The following LRMDA variants were observed in gnomAD, a reference collection of about 807,000 sequenced individuals.
LRMDA encodes the protein leucine-rich melanocyte differentiation-associated protein.
LRMDA carries 18 observed loss-of-function variants against 29.8 expected under a neutral mutation model. The observed-to-expected ratio is 0.60, with a 90% confidence interval of 0.42 to 0.90. The LOEUF (loss-of-function observed/expected upper bound fraction) is 0.90, where lower values mean the gene tolerates loss of function less well. Ranked by LOEUF, LRMDA falls within the 40% of genes least tolerant of loss-of-function variation. LRMDA has a pLI of 0.00. For missense variants in LRMDA, 273 were observed against 273.9 expected, an observed-to-expected ratio of 1.00 and a Z score of 0.02; for synonymous variants, 125 against 109.4, an observed-to-expected ratio of 1.14 and a Z score of -0.89.
At chr10:75,616,231 T>TAGCAGCAGCAGCAGCAGCAGCAGC (rs1332339686) in intron 2 of LRMDA, among the ~76,000 whole-genome samples, 21 of 146,742 alleles carry the variant, frequency 1.4e-4, no homozygotes, top group African/African-American at 5.2e-4. Context: ...AGAACAGTAA[T>TAGCAGCAGCAGCAGCAGCAGCAGC]AGTAGCAGTA....
chr10:76,286,037 A>G (rs1298030191), intron 5 of LRMDA, among the ~76,000 whole-genome samples: 1 of 152,124 alleles, frequency 6.6e-6, no homozygotes, highest in Non-Finnish European at 1.5e-5. Flanking sequence ...GTTTGGAGTT[A>G]ATTGGGGAAG....
intron 2 of LRMDA, among the ~76,000 whole-genome samples, chr10:75,869,934 C>A (rs1480148936): frequency 2.6e-5 from 4 of 152,188 alleles, no homozygotes; most frequent in African/African-American, 9.7e-5. Context: ...TTTCTCTACT[C>A]TTAAACACAT....
chr10:76,212,146 C>A (rs1056060259), intron 5 of LRMDA, among the ~76,000 whole-genome samples: 2 of 151,574 alleles, frequency 1.3e-5, no homozygotes, highest in South Asian at 4.2e-4. Context: ...TTATTTAAAA[C>A]CAAACTTTAT....
chr10:75,531,605 G>A (rs145726855), intron 2 of LRMDA, among the ~76,000 whole-genome samples: 581 of 152,240 alleles, frequency 3.8e-3, no homozygotes, highest in Admixed American at 6.2e-3. Context: ...AAAATGAGGT[G>A]GTGTTTGACC....
At chr10:75,476,779 T>C (rs1256220587) in intron 2 of LRMDA, among the ~76,000 whole-genome samples, 1 of 152,200 alleles carries the variant, frequency 6.6e-6, no homozygotes, top group African/African-American at 2.4e-5. Context: ...TGTAACAAAA[T>C]ACCACAGACT....
chr10:76,347,187 C>G (rs933112705), intron 6 of LRMDA, among the ~76,000 whole-genome samples: 2 of 152,214 alleles, frequency 1.3e-5, no homozygotes, highest in Admixed American at 6.5e-5. Context: ...GCCGTTATTC[C>G]CTATATACTG....
chr10:76,203,958 TATTC>T, intron 5 of LRMDA, among the ~76,000 whole-genome samples: 1 of 145,646 alleles, frequency 6.9e-6, no homozygotes, highest in South Asian at 2.2e-4. Context: ...TACCCATCTC[TATTC>T]CATGTGCCCA....
intron 6 of LRMDA, among the ~76,000 whole-genome samples, chr10:76,413,235 C>T (rs904849476): frequency 7.9e-5 from 12 of 152,186 alleles, no homozygotes; most frequent in African/African-American, 2.7e-4. Context: ...ATAGATGCCT[C>T]CATTTTTAGC....
At chr10:76,055,063 CAAAAAAAAAAAA>C (rs531729040) in intron 4 of LRMDA, among the ~76,000 whole-genome samples, 850 of 45,884 alleles carry the variant, frequency 0.019, 4 homozygotes, top group South Asian at 0.093. Context: ...GACTCCATCT[CAAAAAAAAAAAA>C]AAAAAAAAAA....
At chr10:75,840,033 T>G (rs1844511598) in intron 2 of LRMDA, among the ~76,000 whole-genome samples, 1 of 152,220 alleles carries the variant, frequency 6.6e-6, no homozygotes, top group Non-Finnish European at 1.5e-5. Flanking sequence ...AATGACATGC[T>G]ACAACTTGTT....
intron 2 of LRMDA, among the ~76,000 whole-genome samples, chr10:75,938,935 G>T (rs967279928): frequency 2.6e-5 from 4 of 152,172 alleles, no homozygotes; most frequent in African/African-American, 2.4e-5. Flanking sequence ...TCCTCTCCGT[G>T]CCCAGAGGCG....
chr10:75,668,875 TG>T (rs1841857959), intron 2 of LRMDA, among the ~76,000 whole-genome samples: 2 of 152,216 alleles, frequency 1.3e-5, no homozygotes, highest in Admixed American at 1.3e-4. Flanking sequence ...ATATGCCTAA[TG>T]TATCTACTGT....
chr10:76,440,989 T>C (rs2132291530), intron 6 of LRMDA, among the ~76,000 whole-genome samples: 1 of 152,306 alleles, frequency 6.6e-6, no homozygotes, highest in East Asian at 1.9e-4. Context: ...TGCTTATAAT[T>C]GACTGGGCTC....
In LRMDA at chr10:76,229,735, G is replaced by A. The variant is rs138441295; in HGVS notation, c.517-94666G>A. Among the ~76,000 whole-genome samples the A allele has an allele frequency of 3.1e-3, 475 of 152,222 alleles. 4 individuals carry two copies. The highest frequency in any genetic ancestry group is 0.011 in the African/African-American group (450 of 41,538). ...ATCTCTTCCGAGCCCGTGTCTTTGC[G>A]GGTGGGAGGTTGGGGAGGATCCAGT... On this transcript the variant is annotated intron_variant, in intron 5 of 6. Coordinates refer to ENST00000611255, the MANE Select transcript of LRMDA (RefSeq NM_001305581.2).
At chr10:75,692,247 T>TATATATATAC (rs1491551304) in intron 2 of LRMDA, among the ~76,000 whole-genome samples, 18 of 131,720 alleles carry the variant, frequency 1.4e-4, no homozygotes, top group African/African-American at 5.2e-4. Flanking sequence ...TATATATATA[T>TATATATATAC]ACATATATAT....
chr10:75,859,133 T>C lies in LRMDA; in HGVS notation c.132-176875T>C, dbSNP rs147467235. Reference sequence around the variant, plus strand: ...ATCCTTAGCTTTCTAATGGGCATTTTGGGTGTTGGTCATTTTTGGTGTCAC... The same window carrying C: ...ATCCTTAGCTTTCTAATGGGCATTTCGGGTGTTGGTCATTTTTGGTGTCAC... On this transcript the variant is annotated intron_variant, in intron 2 of 6. Coordinates refer to ENST00000611255, the MANE Select transcript of LRMDA (RefSeq NM_001305581.2). 5.1e-3 allele frequency among the ~76,000 whole-genome samples: 779 copies of C among 152,362 alleles called. 10 individuals carry two copies. Among genetic ancestry groups the C allele is most frequent in the African/African-American group, 0.018 (747 of 41,594 alleles).
Position 76,377,541 on chromosome 10 carries a change from G to A in LRMDA, c.601+53056G>A, listed in dbSNP as rs556654894. Reference sequence around the variant, plus strand: ...TAGTTTGAGGTCTTTATTCCATCTTGAGTTAATTTTTGTATCTGGTGAGAC... The same window carrying A: ...TAGTTTGAGGTCTTTATTCCATCTTAAGTTAATTTTTGTATCTGGTGAGAC... On this transcript the variant is annotated intron_variant, in intron 6 of 6. Coordinates refer to ENST00000611255, the MANE Select transcript of LRMDA (RefSeq NM_001305581.2). Among the ~76,000 whole-genome samples the A allele has an allele frequency of 2.0e-5, 3 of 152,170 alleles. No individual in the cohort carries two copies. The South Asian group carries it at 6.2e-4, about 32-fold the overall frequency.
At chr10:76,416,266 G>A (rs1842013368) in intron 6 of LRMDA, among the ~76,000 whole-genome samples, 2 of 152,174 alleles carry the variant, frequency 1.3e-5, no homozygotes, top group South Asian at 4.1e-4. Context: ...GGAGGGAAAT[G>A]GAGTGCCACC....
chr10:75,750,605 C>T (rs1275048424), intron 2 of LRMDA, among the ~76,000 whole-genome samples: 6 of 147,816 alleles, frequency 4.1e-5, no homozygotes, highest in African/African-American at 1.5e-4. Flanking sequence ...GACGGGATGG[C>T]GGCCGGGCAG....
Sources: gnomAD v4.1 joint callset for allele counts (sites outside exome capture counted in the v4.1 genomes callset) on GRCh38, gnomAD v4.1.1 for gene constraint, MANE v1.5 for transcripts, NCBI Gene and HGNC (gene_info 2026-07-23, HGNC 2026-07-21) for gene names.